The following KCNMA1 variants were observed in gnomAD, a reference collection of about 807,000 sequenced individuals.
KCNMA1 encodes the protein Calcium-activated potassium channel subunit alpha-1.
Under a neutral mutation model 140.0 loss-of-function variants are expected in KCNMA1, and 29 were observed. The observed-to-expected ratio is 0.21, with a 90% confidence interval of 0.15 to 0.28. The LOEUF (loss-of-function observed/expected upper bound fraction) is 0.28, where lower values mean the gene tolerates loss of function less well. KCNMA1 is among the 10% of genes least tolerant of loss of function. The pLI is 1.00. For synonymous variants in KCNMA1, 612 were observed against 611.9 expected (o/e 1.00, Z 0.00); for missense variants, 880 against 1,602.2 (o/e 0.55, Z 7.70).
intron 16 of KCNMA1, among the ~76,000 whole-genome samples, chr10:77,025,998 A>AAAAATATATAT (rs370771543): frequency 2.1e-5 from 3 of 139,908 alleles, no homozygotes; most frequent in African/African-American, 7.8e-5. Flanking sequence ...AGAAAAAAAA[A>AAAAATATATAT]ATATATATAT....
intron 1 of KCNMA1, 27 bp from the exon 2 acceptor site, chr10:77,404,050 GACATAGGGA>G: frequency 6.2e-7 from 1 of 1,610,466 alleles, no homozygotes; most frequent in Non-Finnish European, 8.5e-7. Context: ...CAAGAGTTAA[GACATAGGGA>G]ACAATGGATT....
At chr10:76,894,725 A>C (rs2041747703) in intron 25 of KCNMA1, among the ~76,000 whole-genome samples, 2 of 152,230 alleles carry the variant, frequency 1.3e-5, no homozygotes, top group African/African-American at 2.4e-5. Context: ...AAAGAGGCTC[A>C]ACAGCTCTAG....
intron 3 of KCNMA1, among the ~76,000 whole-genome samples, chr10:77,225,068 A>G (rs886427606): frequency 6.6e-6 from 1 of 152,194 alleles, no homozygotes; most frequent in African/African-American, 2.4e-5. Context: ...GAGTGAATGA[A>G]TAAAGCGAAT....
Position 77,118,410 on chromosome 10 carries a change from C to T in KCNMA1, c.884+2563G>A, listed in dbSNP as rs535881120. On this transcript the variant is annotated intron_variant, in intron 6 of 27. Transcript: ENST00000286628. Reference sequence around the variant, plus strand: ...ATGGCCTCAGAGAGTTGTCCTAAAGCTTCTAGATTTCTTACAATTACATGA... The same window carrying T: ...ATGGCCTCAGAGAGTTGTCCTAAAGTTTCTAGATTTCTTACAATTACATGA... Among the ~76,000 whole-genome samples, 141 of 152,308 alleles carry T rather than the reference C, an allele frequency of 9.3e-4. 3 individuals are homozygous for T. The South Asian group carries it at 0.029, about 31-fold the overall frequency.
chr10:77,501,081 T>C (rs955567785), intron 1 of KCNMA1, among the ~76,000 whole-genome samples: 1 of 152,256 alleles, frequency 6.6e-6, no homozygotes, highest in African/African-American at 2.4e-5. Context: ...ATTAAGCCCA[T>C]AGGCTCTGGA....
intron 1 of KCNMA1, among the ~76,000 whole-genome samples, chr10:77,441,481 C>T (rs12411508): frequency 0.078 from 11,897 of 152,208 alleles, 692 homozygotes; most frequent in African/African-American, 0.16. Flanking sequence ...AAGTCTTCAG[C>T]TGGGTTCCAT....
At chr10:77,451,767 A>G (rs2097664752) in intron 1 of KCNMA1, among the ~76,000 whole-genome samples, 1 of 152,182 alleles carries the variant, frequency 6.6e-6, no homozygotes, top group African/African-American at 2.4e-5. Context: ...CAGGGCACCT[A>G]TATTTCTAAG....
rs1194213731 is a variant in KCNMA1 at position 77,105,358 on chromosome 10, T to C, written c.1223+3123A>G. Among the ~76,000 whole-genome samples, 7 of 152,238 alleles carry C rather than the reference T, an allele frequency of 4.6e-5. No individual in the cohort carries two copies. In the South Asian group the frequency reaches 1.5e-3, roughly 32 times the overall value. ...AATGAAATCTTCATATTCTCAAATA[T>C]CCTGAATTTGGGTGTTGTACAAACA... On this transcript the variant is annotated intron_variant, in intron 9 of 27. Coordinates refer to ENST00000286628, the MANE Select transcript of KCNMA1 (RefSeq NM_001161352.2).
chr10:77,228,073 T>A (rs2052174935), intron 3 of KCNMA1, among the ~76,000 whole-genome samples: 1 of 151,656 alleles, frequency 6.6e-6, no homozygotes, highest in Non-Finnish European at 1.5e-5. Context: ...CAAGTGATTC[T>A]CCTGCTTCAG....
chr10:77,239,988 T>A (rs1455601159), intron 3 of KCNMA1, among the ~76,000 whole-genome samples: 1 of 152,210 alleles, frequency 6.6e-6, no homozygotes, highest in African/African-American at 2.4e-5. Context: ...GCTAAGTAAG[T>A]CAGAGGATAG....
intron 2 of KCNMA1, among the ~76,000 whole-genome samples, chr10:77,254,364 G>C (rs1283587944): frequency 2.0e-5 from 3 of 151,924 alleles, no homozygotes; most frequent in Non-Finnish European, 4.4e-5. Context: ...TGGGACTACA[G>C]GTGCCTGCCA....
At chr10:76,883,959 T>TA (rs1354642792), downstream of KCNMA1, 1 of 967,094 alleles carries the variant, frequency 1.0e-6, no homozygotes, top group African/African-American at 1.8e-5. Flanking sequence ...AATTTATCAT[T>TA]AGTCAAATAT....
intron 2 of KCNMA1, among the ~76,000 whole-genome samples, chr10:77,260,838 C>T (rs1039298586): frequency 1.3e-5 from 2 of 152,078 alleles, no homozygotes; most frequent in Non-Finnish European, 2.9e-5. Flanking sequence ...GGGAGCATTA[C>T]GTGAAGAAGC....
At chr10:77,119,946 C>T (rs1476277359) in intron 6 of KCNMA1, among the ~76,000 whole-genome samples, 1 of 152,104 alleles carries the variant, frequency 6.6e-6, no homozygotes, top group Non-Finnish European at 1.5e-5. Context: ...AGGAGTAAAG[C>T]CAATCATAGG....
intron 5 of KCNMA1, among the ~76,000 whole-genome samples, chr10:77,148,676 T>G (rs534772229): frequency 6.6e-6 from 1 of 152,334 alleles, no homozygotes; most frequent in African/African-American, 2.4e-5. Flanking sequence ...TATTTTGGGC[T>G]TTGTAAGCTG....
Position 76,886,536 on chromosome 10 carries a change from A to T in KCNMA1, c.*730T>A. The T allele has an allele frequency of 1.0e-5, 10 of 985,370 alleles. No individual in the cohort carries two copies. The highest frequency in any genetic ancestry group is 1.7e-5 in the African/African-American group (1 of 57,354). The allele number at this position is 985,370 out of a possible 1,614,324, so 61.0% of individuals were successfully genotyped here. A position where few individuals can be genotyped will look rare whatever the true frequency, so the allele number is the denominator to read the frequency against. On this transcript the variant is annotated 3_prime_UTR_variant, in exon 28 of 28. Transcript: ENST00000286628. Reference sequence around the variant, plus strand: ...TTAAACTAAATGACTAGAATTTGATACATCCATGATTGGAATACTATTCTC... The same window carrying T: ...TTAAACTAAATGACTAGAATTTGATTCATCCATGATTGGAATACTATTCTC...
At chr10:77,559,021 T>TGTC (rs1433414796) in intron 1 of KCNMA1, among the ~76,000 whole-genome samples, 1 of 152,180 alleles carries the variant, frequency 6.6e-6, no homozygotes, top group Non-Finnish European at 1.5e-5. Flanking sequence ...TATGAGTGAC[T>TGTC]GGCTCAGCCC....
chr10:77,126,710 GC>G (rs1266768749), intron 5 of KCNMA1, among the ~76,000 whole-genome samples: 6 of 16,748 alleles, frequency 3.6e-4, no homozygotes, highest in African/African-American at 9.3e-4. Flanking sequence ...CAGTGGTGGT[GC>G]CCCCCACCCC....
intron 3 of KCNMA1, among the ~76,000 whole-genome samples, chr10:77,220,516 A>AT (rs1419610675): frequency 6.6e-6 from 1 of 152,072 alleles, no homozygotes; most frequent in Non-Finnish European, 1.5e-5. Flanking sequence ...ATGTCAGGAG[A>AT]TTTTAAAACT....
Sources: gnomAD v4.1 joint callset for allele counts (sites outside exome capture counted in the v4.1 genomes callset) on GRCh38, gnomAD v4.1.1 for gene constraint, MANE v1.5 for transcripts, NCBI Gene and HGNC (gene_info 2026-07-23, HGNC 2026-07-21) for gene names.